Variants in PIBF1 observed in about 807,000 individuals in gnomAD.
The protein encoded by PIBF1 is progesterone immunomodulatory binding factor 1.
In PIBF1, 90 loss-of-function variants were observed where a neutral mutation model predicts 112.5. The ratio of observed to expected loss-of-function variants is 0.80; its 90% CI spans 0.67 to 0.95. The LOEUF (loss-of-function observed/expected upper bound fraction) is 0.95. Ranked by LOEUF, PIBF1 falls within the 40% of genes least tolerant of loss-of-function variation. The pLI is 0.00. For missense variants in PIBF1, 915 were observed against 852.3 expected (o/e 1.07, Z -0.92); for synonymous variants, 301 against 288.6 (o/e 1.04, Z -0.44).
intron 10 of PIBF1, among the ~76,000 whole-genome samples, chr13:72,883,117 A>T (rs1274267844): frequency 6.6e-6 from 1 of 152,208 alleles, no homozygotes; most frequent in Non-Finnish European, 1.5e-5. Flanking sequence ...GATAAAGAAA[A>T]TGTGGTACAT....
At chr13:72,935,263 C>T (rs1384786915) in intron 14 of PIBF1, among the ~76,000 whole-genome samples, 1 of 152,150 alleles carries the variant, frequency 6.6e-6, no homozygotes, top group African/African-American at 2.4e-5. Flanking sequence ...GGATTACAGG[C>T]GTGAGCAAGC....
chr13:72,794,377 G>A (rs1791792011), intron 3 of PIBF1, among the ~76,000 whole-genome samples: 1 of 152,012 alleles, frequency 6.6e-6, no homozygotes, highest in African/African-American at 2.4e-5. Flanking sequence ...CCAGAGTTGT[G>A]GTTTTGTTTG....
chr13:72,838,361 G>A (rs1846563585), intron 9 of PIBF1, among the ~76,000 whole-genome samples: 1 of 152,128 alleles, frequency 6.6e-6, no homozygotes, highest in Admixed American at 6.5e-5. Flanking sequence ...AGGAATTGGG[G>A]AAGACTTCAT....
Position 72,999,360 on chromosome 13 carries a change from GAAAAT to G in PIBF1, c.2223+369_2223+373del, listed in dbSNP as rs1272888074. On this transcript the variant is annotated intron_variant, in intron 17 of 17. Coordinates refer to ENST00000326291, the MANE Select transcript of PIBF1 (RefSeq NM_006346.4). Reference sequence around the variant, plus strand: ...TTATGTGCCAATTTTTAAAAATAGAGAAAATAAATTAGGAAATATTGAAAACTATA... The same window carrying G: ...TTATGTGCCAATTTTTAAAAATAGAGAAATTAGGAAATATTGAAAACTATA... Among the ~76,000 whole-genome samples, 3 of 151,958 alleles carry G rather than the reference GAAAAT, an allele frequency of 2.0e-5. No homozygotes were observed. The East Asian group carries it at 5.8e-4, about 29-fold the overall frequency.
At chr13:72,822,066 G>A (rs2036582594) in intron 6 of PIBF1, 84 bp downstream of exon 6, 1 of 1,251,752 alleles carries the variant, frequency 8.0e-7, no homozygotes, top group Non-Finnish European at 1.1e-6. Context: ...ACAATCAGTT[G>A]TTAATTTTAC....
chr13:72,856,659 A>G (rs1284453126), intron 10 of PIBF1, among the ~76,000 whole-genome samples: 12 of 152,210 alleles, frequency 7.9e-5, no homozygotes, highest in Admixed American at 6.5e-4. Flanking sequence ...CAAAATGCTT[A>G]AAATAGCTAA....
At chr13:72,993,133 A>T (rs2043532744) in intron 16 of PIBF1, among the ~76,000 whole-genome samples, 1 of 152,080 alleles carries the variant, frequency 6.6e-6, no homozygotes, top group Admixed American at 6.6e-5. Context: ...CAGCCTGGGC[A>T]ACATGGCGAA....
chr13:72,975,961 C>T (rs534158620), intron 16 of PIBF1, among the ~76,000 whole-genome samples: 2 of 152,222 alleles, frequency 1.3e-5, no homozygotes, highest in African/African-American at 4.8e-5. Flanking sequence ...TGGCAATTCT[C>T]ATTTGATTTT....
intron 14 of PIBF1, among the ~76,000 whole-genome samples, chr13:72,942,554 A>G (rs1477022057): frequency 1.3e-5 from 2 of 152,222 alleles, no homozygotes; most frequent in African/African-American, 2.4e-5. Flanking sequence ...AATTGAAGTA[A>G]TAATATGAAC....
At position 72,847,669 on chromosome 13, in the gene PIBF1, A is replaced by G. The variant is rs546895927; in HGVS notation, c.1224-6388A>G. On this transcript the variant is annotated intron_variant, in intron 9 of 17. Transcript: ENST00000326291. ...ATTTTCAGTCAACAATGATCTCAAA[A>G]AGTTTCTACTCTTAAAATGTATAGC... 7.0e-4 allele frequency among the ~76,000 whole-genome samples: 106 copies of G among 152,316 alleles called. 1 individual carries two copies. The highest frequency in any genetic ancestry group is 2.5e-3 in the African/African-American group (106 of 41,570).
chr13:72,998,849 G>T lies in PIBF1; in HGVS notation c.2077G>T (p.Val693Phe). Reference protein sequence around the residue: ...EELAAMKQILVKMHSKHSENS... With the variant: ...EELAAMKQILFKMHSKHSENS... ...ATTGGCAGCAATGAAACAGATTCTC[G>T]TTAAGATGCATAGTAAACATTCTGA... is the stretch of plus-strand genomic sequence containing the variant. The change falls in exon 17 of 18, where the codon GTT (valine) becomes TTT (phenylalanine). Residue 693 changes from valine to phenylalanine, a missense_variant. By Grantham distance (50) the Val-to-Phe change is conservative (BLOSUM62 -1). Transcript: ENST00000326291. The T allele has an allele frequency of 6.2e-7, 1 of 1,611,756 alleles. No homozygotes were observed. Among genetic ancestry groups the T allele is most frequent in the Non-Finnish European group, 8.5e-7 (1 of 1,179,002 alleles).
intron 14 of PIBF1, among the ~76,000 whole-genome samples, chr13:72,958,516 T>C (rs1267447250): frequency 6.6e-6 from 1 of 152,106 alleles, no homozygotes; most frequent in Non-Finnish European, 1.5e-5. Context: ...TCAACTACCA[T>C]GTCCTTGCTT....
At chr13:72,813,884 T>A (rs1053733661) in intron 5 of PIBF1, among the ~76,000 whole-genome samples, 1 of 152,100 alleles carries the variant, frequency 6.6e-6, no homozygotes, top group African/African-American at 2.4e-5. Flanking sequence ...CTCCCCTGAC[T>A]TGAGTGAAAG....
chr13:72,996,731 C>T (rs1027023128), intron 16 of PIBF1, among the ~76,000 whole-genome samples: 1 of 151,634 alleles, frequency 6.6e-6, no homozygotes, highest in Non-Finnish European at 1.5e-5. Context: ...CACACCATAG[C>T]ACTCTAGCAT....
At chr13:72,818,067 TAC>T (rs2036372445) in intron 5 of PIBF1, among the ~76,000 whole-genome samples, 1 of 81,762 alleles carries the variant, frequency 1.2e-5, no homozygotes, top group Non-Finnish European at 3.0e-5. Flanking sequence ...TATAAATATA[TAC>T]ATATATATAC....
intron 15 of PIBF1, among the ~76,000 whole-genome samples, chr13:72,967,193 C>A (rs9592873): frequency 4.6e-5 from 7 of 151,784 alleles, no homozygotes; most frequent in Non-Finnish European, 1.5e-5. Flanking sequence ...CTCGGCCTCC[C>A]GAAGTGCTAG....
chr13:72,948,636 A>T (rs2042213017), intron 14 of PIBF1, among the ~76,000 whole-genome samples: 1 of 152,208 alleles, frequency 6.6e-6, no homozygotes, highest in Admixed American at 6.5e-5. Context: ...AGCCATTCTC[A>T]TGCTGCTAAT....
chr13:72,957,403 T>G (rs1012991345), intron 14 of PIBF1, among the ~76,000 whole-genome samples: 4 of 152,112 alleles, frequency 2.6e-5, no homozygotes. Flanking sequence ...CTAAGTGAAG[T>G]AACTCAGGAA....
chr13:72,787,112 T>C (rs960475323), intron 2 of PIBF1, among the ~76,000 whole-genome samples: 1 of 152,208 alleles, frequency 6.6e-6, no homozygotes, highest in African/African-American at 2.4e-5. Context: ...TGTGTGTATA[T>C]ATATGTTTAC....
Sources: allele counts gnomAD v4.1 joint callset (sites outside exome capture counted in the v4.1 genomes callset), GRCh38; gene constraint gnomAD v4.1.1; transcripts MANE v1.5; gene names NCBI Gene and HGNC (gene_info 2026-07-23, HGNC 2026-07-21).